Variants in NEURL1 observed in about 807,000 individuals in gnomAD.
The protein encoded by NEURL1 is neuralized E3 ubiquitin protein ligase 1.
A neutral mutation model predicts 41.2 loss-of-function variants in NEURL1; 26 were observed. The observed-to-expected ratio is 0.63, with a 90% confidence interval of 0.46 to 0.87. NEURL1 has a LOEUF of 0.87. NEURL1 is among the 40% of genes least tolerant of loss of function. NEURL1 has a pLI of 0.00. For missense variants in NEURL1, 761 were observed against 871.1 expected (o/e 0.87, Z 1.59); for synonymous variants, 400 against 402.3 (o/e 0.99, Z 0.07).
intron 1 of NEURL1, among the ~76,000 whole-genome samples, chr10:103,533,784 C>T (rs1057370834): frequency 9.2e-5 from 14 of 152,186 alleles, no homozygotes; most frequent in Admixed American, 3.3e-4. Context: ...GATCCGCCCG[C>T]CTTGGCCTCC....
At chr10:103,519,251 AAAAGAAAGAAAG>A (rs149479157) in intron 1 of NEURL1, among the ~76,000 whole-genome samples, 1 of 151,994 alleles carries the variant, frequency 6.6e-6, no homozygotes, top group South Asian at 2.1e-4. Context: ...TGTCTCAAAA[AAAAGAAAGAAAG>A]AAAGAAAGAA....
In NEURL1 at chr10:103,496,573, A is replaced by T. The variant is rs528760988; in HGVS notation, c.85+2101A>T. Among the ~76,000 whole-genome samples the T allele has an allele frequency of 2.0e-4, 30 of 152,250 alleles. No individual in the cohort carries two copies. In the South Asian group the frequency reaches 5.6e-3, roughly 28 times the overall value. Reference sequence around the variant, plus strand: ...CTTTTCTAAAATTTCTATAATAAGGAAGTATTATTTTTGTAATCAGAAATA... The same window carrying T: ...CTTTTCTAAAATTTCTATAATAAGGTAGTATTATTTTTGTAATCAGAAATA... On this transcript the variant is annotated intron_variant, in intron 1 of 5. Coordinates refer to ENST00000369780, the MANE Select transcript of NEURL1 (RefSeq NM_004210.5).
At chr10:103,507,934 A>C (rs1401411020) in intron 1 of NEURL1, among the ~76,000 whole-genome samples, 1 of 152,098 alleles carries the variant, frequency 6.6e-6, no homozygotes, top group Non-Finnish European at 1.5e-5. Context: ...GGTGGCCATA[A>C]ATCAGCCGGG....
chr10:103,582,371 G>C (rs1481602957), intron 3 of NEURL1, among the ~76,000 whole-genome samples: 1 of 152,094 alleles, frequency 6.6e-6, no homozygotes, highest in Non-Finnish European at 1.5e-5. Flanking sequence ...CTCTGCCTCT[G>C]CCTCTCTGCA....
intron 1 of NEURL1, among the ~76,000 whole-genome samples, chr10:103,515,112 C>G (rs2034169555): frequency 1.3e-5 from 2 of 151,788 alleles, no homozygotes. Flanking sequence ...CCTGTAATCC[C>G]AGCTATTCGG....
chr10:103,503,873 C>A (rs1373046463), intron 1 of NEURL1, among the ~76,000 whole-genome samples: 5 of 148,208 alleles, frequency 3.4e-5, no homozygotes, highest in Non-Finnish European at 4.5e-5. Context: ...TCACTGCAGC[C>A]TCACCCCCCG....
chr10:103,551,914 C>T (rs1466381639), intron 1 of NEURL1, among the ~76,000 whole-genome samples: 1 of 152,228 alleles, frequency 6.6e-6, no homozygotes, highest in East Asian at 1.9e-4. Context: ...GGCTGCTGCT[C>T]ATCTGAAGGA....
chr10:103,585,383 C>G (rs1236929308), intron 4 of NEURL1, among the ~76,000 whole-genome samples, 158 bp downstream of exon 4: 1 of 152,188 alleles, frequency 6.6e-6, no homozygotes, highest in African/African-American at 2.4e-5. Context: ...ACTTGGTCAT[C>G]TTGTCAGTGG....
rs770784793 is a variant in NEURL1 at position 103,494,370 on chromosome 10, C to T, written c.-18C>T. The T allele has an allele frequency of 6.2e-5, 98 of 1,569,764 alleles. No homozygotes were observed. The highest frequency in any genetic ancestry group is 8.0e-5 in the Non-Finnish European group (92 of 1,157,230). On this transcript the variant is annotated 5_prime_UTR_variant, in exon 1 of 6. Coordinates refer to ENST00000369780, the MANE Select transcript of NEURL1 (RefSeq NM_004210.5). ...TCGCCCCCACCCGCGAGCGCCGAAC[C>T]TCCTGGGGCCGGATGCCATGGGTAA...
chr10:103,540,194 G>C (rs1564815330), intron 1 of NEURL1, among the ~76,000 whole-genome samples: 1 of 152,222 alleles, frequency 6.6e-6, no homozygotes. Flanking sequence ...GAGGAAGTCA[G>C]CTGTATTGCA....
At chr10:103,564,092 G>C (rs1232310945) in intron 1 of NEURL1, among the ~76,000 whole-genome samples, 1 of 152,138 alleles carries the variant, frequency 6.6e-6, no homozygotes, top group African/African-American at 2.4e-5. Context: ...GCTTGGTGGG[G>C]GCCATGGGGA....
chr10:103,533,683 CCCG>C (rs2034624873), intron 1 of NEURL1, among the ~76,000 whole-genome samples: 1 of 152,134 alleles, frequency 6.6e-6, no homozygotes, highest in Non-Finnish European at 1.5e-5. Flanking sequence ...ACTACAGGCG[CCCG>C]CCATCACACC....
intron 3 of NEURL1, among the ~76,000 whole-genome samples, chr10:103,580,344 G>A (rs897046455): frequency 3.3e-5 from 5 of 152,206 alleles, no homozygotes; most frequent in African/African-American, 9.7e-5. Flanking sequence ...AGGTGGGCAC[G>A]TGTCCCGGCA....
At position 103,584,923 on chromosome 10, in the gene NEURL1, G is replaced by C; in HGVS notation, c.1037G>C (p.Gly346Ala). 6.8e-7 allele frequency: 1 copy of C among 1,481,312 alleles called. No individual in the cohort carries two copies. Among genetic ancestry groups the C allele is most frequent in the Non-Finnish European group, 8.9e-7 (1 of 1,124,364 alleles). 91.8% of individuals were successfully genotyped at this position (1,481,312 alleles called of 1,614,324 possible). A position where few individuals can be genotyped will look rare whatever the true frequency, so the allele number is the denominator to read the frequency against. The change falls in exon 4 of 6, where the codon GGT (glycine) becomes GCT (alanine). Residue 346 changes from glycine (G) to alanine (A), a missense_variant. Around this residue, in one of 5 missense-constraint regions of NEURL1, gnomAD observed 443 missense variants for 408.1 expected, o/e 1.09. Transcript: ENST00000369780. ...ETIFVKVTRS[G>A]GARPGALSFG... is the part of the protein sequence containing the mutation. ...ATCTTCGTCAAGGTCACGCGCTCGG[G>C]TGGCGCGCGGCCCGGCGCGCTGTCG...
intron 1 of NEURL1, among the ~76,000 whole-genome samples, chr10:103,543,868 C>A (rs1047368818): frequency 2.0e-5 from 3 of 152,114 alleles, no homozygotes; most frequent in African/African-American, 7.2e-5. Flanking sequence ...AAGTGATGTG[C>A]CATGTTCTAG....
intron 1 of NEURL1, among the ~76,000 whole-genome samples, chr10:103,503,761 C>T (rs569610915): frequency 6.8e-6 from 1 of 147,122 alleles, no homozygotes; most frequent in Non-Finnish European, 1.5e-5. Flanking sequence ...CATATATGTG[C>T]TAGAGCTCAT....
intron 1 of NEURL1, among the ~76,000 whole-genome samples, chr10:103,515,573 G>T (rs995310630): frequency 1.3e-4 from 20 of 152,220 alleles, no homozygotes; most frequent in Non-Finnish European, 1.5e-5. Context: ...TGTTTATAAA[G>T]GTATAGTAAA....
rs2034940681 is a variant in NEURL1, at chr10:103,547,227, A to C, written c.86-23645A>C. Among the ~76,000 whole-genome samples the C allele has an allele frequency of 2.0e-5, 3 of 152,172 alleles. No individual in the cohort carries two copies. The South Asian group carries it at 6.2e-4, about 32-fold the overall frequency. On this transcript the variant is annotated intron_variant, in intron 1 of 5. Coordinates refer to ENST00000369780, the MANE Select transcript of NEURL1 (RefSeq NM_004210.5). ...ACTCTGGAGCCTACTCTTAATTGCC[A>C]CCTCTACTGTGAAGCCCCTAGTGTA...
chr10:103,495,768 CT>C (rs2033668076), intron 1 of NEURL1, among the ~76,000 whole-genome samples: 1 of 152,182 alleles, frequency 6.6e-6, no homozygotes, highest in African/African-American at 2.4e-5. Context: ...TTTGTTGTGT[CT>C]TTCTGGAAAT....
Sources: gnomAD v4.1 joint callset for allele counts (sites outside exome capture counted in the v4.1 genomes callset) on GRCh38, gnomAD v4.1.1 for gene constraint, gnomAD v4.1.1 regional missense constraint, MANE v1.5 for transcripts, NCBI Gene and HGNC (gene_info 2026-07-23, HGNC 2026-07-21) for gene names.